Variants in CYRIB observed in about 807,000 individuals in gnomAD.
The protein encoded by CYRIB is CYFIP-related Rac1 interactor B.
CYRIB carries 8 observed loss-of-function variants against 44.2 expected under a neutral mutation model. That is an observed-to-expected ratio of 0.18 (90% CI 0.11 to 0.33). The LOEUF (loss-of-function observed/expected upper bound fraction) is 0.33, where lower values mean the gene tolerates loss of function less well. CYRIB is among the 10% of genes least tolerant of loss of function. The pLI is 1.00. For missense variants in CYRIB, 185 were observed against 382.8 expected, an observed-to-expected ratio of 0.48 and a Z score of 4.31; for synonymous variants, 131 against 127.2, an observed-to-expected ratio of 1.03 and a Z score of -0.20.
intron 2 of CYRIB, among the ~76,000 whole-genome samples, chr8:129,958,121 C>A (rs953605683): frequency 2.0e-5 from 3 of 152,100 alleles, no homozygotes; most frequent in Admixed American, 6.6e-5. Context: ...CGTGCCACTG[C>A]CCTCCAGCTT....
In CYRIB at chr8:130,011,862, A is replaced by T. The variant is rs189600609; in HGVS notation, c.-296+4508T>A. 3.3e-3 allele frequency among the ~76,000 whole-genome samples: 500 copies of T among 150,180 alleles called. 3 individuals carry two copies. The highest frequency in any genetic ancestry group is 4.4e-3 in the African/African-American group (179 of 40,980). On this transcript the variant is annotated intron_variant, in intron 1 of 14. Transcript: ENST00000401979. ...CTAAAAATAAAAATAAAAATAATTAAAAAAAAAAAGAACGCTGAGGCCTGG... is the reference window on the plus strand; with the variant it reads ...CTAAAAATAAAAATAAAAATAATTATAAAAAAAAAGAACGCTGAGGCCTGG...
rs2096823211 is a variant in CYRIB at position 129,998,131 on chromosome 8, A to ACC, written c.-296+18238_-296+18239insGG. Among the ~76,000 whole-genome samples the ACC allele has an allele frequency of 2.7e-5, 4 of 150,016 alleles. No individual in the cohort carries two copies. The South Asian group carries it at 6.3e-4, about 24-fold the overall frequency. On this transcript the variant is annotated intron_variant, in intron 1 of 14. Transcript: ENST00000401979. ...CGAGACTCTGTCTCAAAAAAAAAAA[A>ACC]AAAAAAACAAAAAAAACACCTCAGA...
Position 129,885,933 on chromosome 8 carries a change from C to T in CYRIB, c.-10-6462G>A, listed in dbSNP as rs1014557488. Among the ~76,000 whole-genome samples the T allele has an allele frequency of 2.0e-5, 3 of 152,180 alleles. No individual in the cohort carries two copies. In the South Asian group the frequency reaches 6.2e-4, roughly 32 times the overall value. ...ATGACCTCACTGTATCTTTCACACA[C>T]AAAACACATAAGCATCTATCTTTTC... On this transcript the variant is annotated intron_variant, in intron 2 of 11. Coordinates refer to ENST00000519824, the Ensembl canonical transcript of CYRIB.
intron 1 of CYRIB, among the ~76,000 whole-genome samples, chr8:129,934,494 C>A: frequency 6.6e-6 from 1 of 152,058 alleles, no homozygotes; most frequent in South Asian, 2.1e-4. Flanking sequence ...TTGCGGCAGG[C>A]CAGGTCTCAC....
intron 2 of CYRIB, among the ~76,000 whole-genome samples, chr8:129,881,916 T>C (rs984272948): frequency 1.3e-5 from 2 of 152,220 alleles, no homozygotes; most frequent in African/African-American, 4.8e-5. Flanking sequence ...TCCTAAATCA[T>C]CACACCCAAA....
intron 1 of CYRIB, among the ~76,000 whole-genome samples, chr8:129,932,210 G>A (rs2091709668): frequency 6.6e-6 from 1 of 151,968 alleles, no homozygotes; most frequent in African/African-American, 2.4e-5. Context: ...ATGTTGGGTA[G>A]GCTGCTTCAT....
At chr8:129,978,293 C>T (rs1214891819) in intron 1 of CYRIB, among the ~76,000 whole-genome samples, 1 of 152,194 alleles carries the variant, frequency 6.6e-6, no homozygotes, top group Non-Finnish European at 1.5e-5. Context: ...ACTTCTCTTT[C>T]TTATGTTTTC....
intron 2 of CYRIB, among the ~76,000 whole-genome samples, chr8:129,884,064 C>CA (rs2061786155): frequency 6.6e-6 from 1 of 152,164 alleles, no homozygotes; most frequent in African/African-American, 2.4e-5. Context: ...TGCAAGGTCT[C>CA]AAAGAGTGTC....
At chr8:129,869,286 T>C (rs1453805414) in intron 4 of CYRIB, among the ~76,000 whole-genome samples, 1 of 147,016 alleles carries the variant, frequency 6.8e-6, no homozygotes, top group Non-Finnish European at 1.5e-5. Context: ...CTCGGGAGGC[T>C]GAGGCAGAAT....
chr8:129,955,276 T>C (rs1007801186), intron 2 of CYRIB, among the ~76,000 whole-genome samples: 2 of 145,556 alleles, frequency 1.4e-5, no homozygotes, highest in Non-Finnish European at 3.0e-5. Flanking sequence ...AAAAAAAGTA[T>C]GTGCTGCATG....
chr8:129,992,346 A>G (rs958938676), intron 1 of CYRIB, among the ~76,000 whole-genome samples: 2 of 152,200 alleles, frequency 1.3e-5, no homozygotes, highest in African/African-American at 4.8e-5. Flanking sequence ...ATCTGATACA[A>G]TCTGAAAATG....
At chr8:129,908,704 C>A (rs1342725380) in intron 1 of CYRIB, among the ~76,000 whole-genome samples, 1 of 152,068 alleles carries the variant, frequency 6.6e-6, no homozygotes, top group Admixed American at 6.6e-5. Flanking sequence ...TCTAACAGCA[C>A]CAGAACTCAA....
chr8:129,891,489 CAG>C (rs774527906), intron 2 of CYRIB, among the ~76,000 whole-genome samples: 6 of 152,274 alleles, frequency 3.9e-5, no homozygotes, highest in South Asian at 2.1e-4. Flanking sequence ...AAGGAAGAGA[CAG>C]AGAGATTAGT....
intron 8 of CYRIB, chr8:129,851,213 T>C (rs1448267563): frequency 3.3e-6 from 1 of 303,480 alleles, no homozygotes; most frequent in Non-Finnish European, 6.2e-6. Context: ...TATGAAATAG[T>C]TGGATTTTAT....
intron 2 of CYRIB, among the ~76,000 whole-genome samples, chr8:129,892,582 ATATTT>A (rs1220728361): frequency 6.6e-6 from 1 of 152,158 alleles, no homozygotes; most frequent in Non-Finnish European, 1.5e-5. Flanking sequence ...ACTTCTGGAA[ATATTT>A]TATTTTAGAA....
intron 5 of CYRIB, among the ~76,000 whole-genome samples, chr8:129,861,526 C>T (rs1001296223): frequency 1.3e-5 from 2 of 151,988 alleles, no homozygotes; most frequent in Admixed American, 1.3e-4. Flanking sequence ...GCAGCCTTGA[C>T]CTCCTGGACT....
At chr8:129,975,200 G>C (rs112547614) in intron 1 of CYRIB, among the ~76,000 whole-genome samples, 2 of 150,728 alleles carry the variant, frequency 1.3e-5, no homozygotes, top group Non-Finnish European at 3.0e-5. Flanking sequence ...ATTTCTTGTA[G>C]AGACAGGGTG....
intron 1 of CYRIB, among the ~76,000 whole-genome samples, chr8:129,915,925 T>C (rs1024165188): frequency 6.6e-6 from 1 of 152,336 alleles, no homozygotes; most frequent in African/African-American, 2.4e-5. Context: ...CGTATTTATA[T>C]TTTAACTTTG....
intron 1 of CYRIB, 137 bp downstream of exon 1, chr8:130,016,233 C>A (rs2097342029): frequency 1.4e-5 from 2 of 147,300 alleles, no homozygotes; most frequent in African/African-American, 4.9e-5. Flanking sequence ...CCCGGCGGCC[C>A]GGATGGTACC....
Sources: allele counts gnomAD v4.1 joint callset (sites outside exome capture counted in the v4.1 genomes callset), GRCh38; gene constraint gnomAD v4.1.1; transcripts MANE v1.5; gene names NCBI Gene and HGNC (gene_info 2026-07-23, HGNC 2026-07-21).